The following PCDHGB4 variants were observed in gnomAD, a reference collection of about 807,000 sequenced individuals.
PCDHGB4 encodes the protein protocadherin gamma subfamily B, 4.
Under a neutral mutation model 60.5 loss-of-function variants are expected in PCDHGB4, and 38 were observed. That is an observed-to-expected ratio of 0.63 (90% CI 0.48 to 0.82). The LOEUF is 0.82. PCDHGB4 is among the 40% of genes least tolerant of loss of function. The pLI is 0.00. For synonymous variants in PCDHGB4, 456 were observed against 509.7 expected (o/e 0.89, Z 1.42); for missense variants, 1,109 against 1,209.6 (o/e 0.92, Z 1.23).
rs771608897 is a variant in PCDHGB4, at chr5:141,490,857, C to T, written c.2398-3950C>T. 58 of 1,613,714 alleles carry T rather than the reference C, an allele frequency of 3.6e-5. 1 individual carries two copies. The highest frequency in any genetic ancestry group is 1.8e-4 in the Admixed American group (11 of 59,992). Reference sequence around the variant, plus strand: ...AGATTGTGGTGGGGGTTCGAGACTCCGGCTCTCCCCCATTGCATGCCAACA... The same window carrying T: ...AGATTGTGGTGGGGGTTCGAGACTCTGGCTCTCCCCCATTGCATGCCAACA... On this transcript the variant is annotated intron_variant, in intron 1 of 3. Transcript: ENST00000519479. The surrounding 1 kb of genome is among the most constrained non-coding windows in gnomAD (Gnocchi z 5.4).
chr5:141,433,001 G>A (rs1361701281), intron 1 of PCDHGB4: 39 of 1,614,156 alleles, frequency 2.4e-5, no homozygotes, highest in Non-Finnish European at 3.1e-5. Context: ...CGGGGTGCAG[G>A]CTTTCCTGCA....
rs1312101699 is a variant in PCDHGB4 at position 141,421,245 on chromosome 5, G to C, written c.2397+30964G>C. ...AGCCTGCCATGGCGAATCGGCTACA[G>C]CGCGGGGACCGCAGTCGGCTGCTGC... On this transcript the variant is annotated intron_variant, in intron 1 of 3. Coordinates refer to ENST00000519479, the MANE Select transcript of PCDHGB4 (RefSeq NM_003736.4). 6.2e-7 allele frequency: 1 copy of C among 1,603,936 alleles called. No homozygotes were observed. The highest frequency in any genetic ancestry group is 8.5e-7 in the Non-Finnish European group (1 of 1,176,330).
chr5:141,397,975 G>T, intron 1 of PCDHGB4: 4 of 1,189,018 alleles, frequency 3.4e-6, no homozygotes, highest in Non-Finnish European at 4.6e-6. Flanking sequence ...CCCCAGCGCC[G>T]GCCTTTACAC....
chr5:141,475,989 A>G, intron 1 of PCDHGB4: 1 of 1,130,622 alleles, frequency 8.8e-7, no homozygotes, highest in Non-Finnish European at 1.3e-6. Flanking sequence ...CCGGCGAGCA[A>G]ATCAACGGCA....
chr5:141,509,308 C>G (rs943174290), intron 3 of PCDHGB4, among the ~76,000 whole-genome samples: 6 of 152,152 alleles, frequency 3.9e-5, no homozygotes, highest in African/African-American at 1.4e-4. Flanking sequence ...CAGAGGGAGG[C>G]TGGGAGAGAA....
At position 141,512,047 on chromosome 5, in the gene PCDHGB4, C is replaced by T. The variant is rs1183612907; in HGVS notation, c.*874C>T. 1 of 152,722 alleles carries T rather than the reference C, an allele frequency of 6.5e-6. No individual in the cohort carries two copies. The highest frequency in any genetic ancestry group is 1.5e-5 in the Non-Finnish European group (1 of 68,120). The allele number at this position is 152,722 out of a possible 1,614,324, so 9.5% of individuals were successfully genotyped here. A position where few individuals can be genotyped will look rare whatever the true frequency, so the allele number is the denominator to read the frequency against. On this transcript the variant is annotated 3_prime_UTR_variant, in exon 4 of 4. Coordinates refer to ENST00000519479, the MANE Select transcript of PCDHGB4 (RefSeq NM_003736.4). The stretch of plus-strand genomic sequence containing the variant: ...CCTTGGAGGAGGCTCTGTATGTCCT[C>T]AGGGGACTGACAACATCCTCCAGAT...
intron 1 of PCDHGB4, among the ~76,000 whole-genome samples, chr5:141,494,512 C>T (rs2154591503): frequency 6.6e-6 from 1 of 152,276 alleles, no homozygotes; most frequent in Middle Eastern, 3.4e-3. Context: ...AATTTTGGCT[C>T]AGGAGTTCTG....
At position 141,489,474 on chromosome 5, in the gene PCDHGB4, C is replaced by T. The variant is rs772297075; in HGVS notation, c.2398-5333C>T. On this transcript the variant is annotated intron_variant, in intron 1 of 3. Transcript: ENST00000519479. The surrounding 1 kb of genome is among the most constrained non-coding windows in gnomAD (Gnocchi z 4.5). ...AGAATGGGCGCTATTTTTCCCTGAG[C>T]TTGATGAGTGGTGCCCTGGCAGTGA... 6.2e-7 allele frequency: 1 copy of T among 1,614,108 alleles called. No individual in the cohort carries two copies. The highest frequency in any genetic ancestry group is 8.5e-7 in the Non-Finnish European group (1 of 1,180,034).
chr5:141,395,179 A>T (rs1031739375), intron 1 of PCDHGB4: 2 of 1,614,164 alleles, frequency 1.2e-6, no homozygotes, highest in Non-Finnish European at 1.7e-6. Context: ...GAGAAAAATG[A>T]TTCTTTGTTA....
chr5:141,449,900 A>G (rs2098658617), intron 1 of PCDHGB4, among the ~76,000 whole-genome samples: 2 of 151,878 alleles, frequency 1.3e-5, no homozygotes, highest in South Asian at 2.1e-4. Context: ...TATTTAGCCT[A>G]TAGTCCATAT....
intron 1 of PCDHGB4, chr5:141,433,018 T>C: frequency 6.2e-7 from 1 of 1,614,120 alleles, no homozygotes. Flanking sequence ...TGCAGACCTA[T>C]TCCCACGAGG....
intron 1 of PCDHGB4, chr5:141,398,327 G>C (rs1348307728): frequency 7.4e-7 from 1 of 1,353,452 alleles, no homozygotes; most frequent in Non-Finnish European, 1.0e-6. Flanking sequence ...CGAAAACTGC[G>C]CGTCAGTTCG....
At chr5:141,441,308 C>T (rs984341964) in intron 1 of PCDHGB4, 2 of 152,164 alleles carry the variant, frequency 1.3e-5, no homozygotes, top group African/African-American at 2.4e-5. Flanking sequence ...TAAGAAAATG[C>T]ACCTTGAGAA....
At chr5:141,478,329 C>T (rs1295950117) in intron 1 of PCDHGB4, 1 of 1,613,982 alleles carries the variant, frequency 6.2e-7, no homozygotes, top group African/African-American at 1.3e-5. Context: ...TACCGAACAC[C>T]AGGGCCCTCC....
intron 1 of PCDHGB4, chr5:141,417,227 T>G (rs2096097098): frequency 6.6e-6 from 1 of 152,172 alleles, no homozygotes; most frequent in South Asian, 2.1e-4. Flanking sequence ...ACAAAAAAAT[T>G]TGTTGCTTAT....
At position 141,409,469 on chromosome 5, in the gene PCDHGB4, G is replaced by A. The variant is rs1477896340; in HGVS notation, c.2397+19188G>A. On this transcript the variant is annotated intron_variant, in intron 1 of 3. Coordinates refer to ENST00000519479, the MANE Select transcript of PCDHGB4 (RefSeq NM_003736.4). ...GACACCAGAATACAATGTCACCATC[G>A]TAGCCACTGACAGGGGCAAGCCGCC... 9 of 1,613,740 alleles carry A rather than the reference G, an allele frequency of 5.6e-6. No individual in the cohort carries two copies. The African/African-American group carries it at 1.1e-4, about 19-fold the overall frequency.
chr5:141,400,121 A>C lies in PCDHGB4; in HGVS notation c.2397+9840A>C. On this transcript the variant is annotated intron_variant, in intron 1 of 3. Coordinates refer to ENST00000519479, the MANE Select transcript of PCDHGB4 (RefSeq NM_003736.4). Reference sequence around the variant, plus strand: ...CACTTGGTCTTTGCTGACAGCTTGCAGGAGGTGCTGCCGGATATCACTGAC... The same window carrying C: ...CACTTGGTCTTTGCTGACAGCTTGCCGGAGGTGCTGCCGGATATCACTGAC... 1.2e-6 allele frequency: 2 copies of C among 1,614,054 alleles called. No individual in the cohort carries two copies. The highest frequency in any genetic ancestry group is 1.7e-6 in the Non-Finnish European group (2 of 1,179,890).
At chr5:141,461,354 C>T (rs1189322704) in intron 1 of PCDHGB4, among the ~76,000 whole-genome samples, 2 of 152,054 alleles carry the variant, frequency 1.3e-5, no homozygotes, top group Non-Finnish European at 2.9e-5. Context: ...GGTGGTAGCT[C>T]GTTGTGGTTT....
intron 1 of PCDHGB4, chr5:141,398,901 C>T: frequency 9.9e-6 from 16 of 1,613,954 alleles, no homozygotes; most frequent in Non-Finnish European, 1.3e-5. Flanking sequence ...TGCCACCAGG[C>T]ACCACTGTGT....
Sources: gnomAD v4.1 joint callset for allele counts (sites outside exome capture counted in the v4.1 genomes callset) on GRCh38, gnomAD v4.1.1 for gene constraint, Gnocchi (gnomAD v3.1) non-coding constraint, MANE v1.5 for transcripts, NCBI Gene and HGNC (gene_info 2026-07-23, HGNC 2026-07-21) for gene names.